The following GSDME variants were observed in gnomAD, a reference collection of about 807,000 sequenced individuals.
The protein encoded by GSDME is gasdermin-E.
In GSDME, 44 loss-of-function variants were observed where a neutral mutation model predicts 47.5. That is an observed-to-expected ratio of 0.93 (90% CI 0.73 to 1.19). The LOEUF (loss-of-function observed/expected upper bound fraction) is 1.19, where lower values mean the gene tolerates loss of function less well. Ranked by LOEUF, GSDME falls within the 50% of genes most tolerant of loss-of-function variation. The pLI is 0.00. For missense variants in GSDME, 663 were observed against 604.2 expected (o/e 1.10, Z -1.02); for synonymous variants, 258 against 252.8 (o/e 1.02, Z -0.20).
In GSDME at chr7:24,716,116, G is replaced by A. The variant is rs146148348; in HGVS notation, c.697+1138C>T. Among the ~76,000 whole-genome samples, 104 of 152,338 alleles carry A rather than the reference G, an allele frequency of 6.8e-4. No individual in the cohort carries two copies. The highest frequency in any genetic ancestry group is 8.4e-4 in the Non-Finnish European group (57 of 68,034). On this transcript the variant is annotated intron_variant, in intron 5 of 9. Coordinates refer to ENST00000645220, the MANE Select transcript of GSDME (RefSeq NM_001127453.2). This position sits in a 1 kb window ranked among gnomAD's most constrained non-coding sequence, Gnocchi z 4.5. Reference sequence around the variant, plus strand: ...TGCCCCCCACCCGCCTTCCACAAATGGGGGAGAAGCAGGAGGCAGCAGCAG... The same window carrying A: ...TGCCCCCCACCCGCCTTCCACAAATAGGGGAGAAGCAGGAGGCAGCAGCAG...
At chr7:24,737,005 A>C (rs1790327517) in intron 3 of GSDME, among the ~76,000 whole-genome samples, 1 of 152,170 alleles carries the variant, frequency 6.6e-6, no homozygotes, top group South Asian at 2.1e-4. Flanking sequence ...GGGGTACATC[A>C]AAAGCAGTAC....
rs781204290 is a variant in GSDME at position 24,749,767 on chromosome 7, G to A, written c.8C>T (p.Ala3Val). 9.9e-6 allele frequency: 16 copies of A among 1,613,286 alleles called. No homozygotes were observed. Among genetic ancestry groups the A allele is most frequent in the Non-Finnish European group, 1.4e-5 (16 of 1,179,490 alleles). Residue 3 changes from alanine to valine, a missense_variant, in exon 2 of 10, where the codon GCC becomes GTC. Transcript: ENST00000645220. The stretch of plus-strand genomic sequence containing the variant: ...TCTAAGAAAATTCCTGGTTGCTTTG[G>A]CAAACATTTTGAAAGCTCCAGATTA... Reference protein sequence around the residue: MFAKATRNFLREV... With the variant: MFVKATRNFLREV...
chr7:24,758,607 G>T (rs1279049815), upstream of GSDME, among the ~76,000 whole-genome samples: 2 of 152,206 alleles, frequency 1.3e-5, no homozygotes, highest in African/African-American at 2.4e-5. This position sits in a 1 kb window ranked among gnomAD's most constrained non-coding sequence, Gnocchi z 4.6. Context: ...GCTGTTCGGG[G>T]AGGGCAGGTA....
intron 1 of GSDME, among the ~76,000 whole-genome samples, chr7:24,751,858 C>T (rs773382111): frequency 6.6e-6 from 1 of 152,198 alleles, no homozygotes; most frequent in Non-Finnish European, 1.5e-5. Flanking sequence ...AATTTCTCTC[C>T]TCAATGAGCT....
the GSDME span, among the ~76,000 whole-genome samples, chr7:24,763,916 T>C: frequency 6.6e-6 from 1 of 152,240 alleles, no homozygotes; most frequent in Non-Finnish European, 1.5e-5. This position sits in a 1 kb window ranked among gnomAD's most constrained non-coding sequence, Gnocchi z 4.3. Flanking sequence ...ACCAGACAGC[T>C]GAACTGATTT....
chr7:24,704,757 G>A (rs530789503), intron 8 of GSDME: 22 of 151,682 alleles, frequency 1.5e-4, no homozygotes, highest in East Asian at 3.9e-4. Flanking sequence ...CTGCAATGGC[G>A]TCCATAGTTC....
chr7:24,744,449 A>C lies in GSDME; in HGVS notation c.404+113T>G. 2 of 1,161,540 alleles carry C rather than the reference A, an allele frequency of 1.7e-6. No individual in the cohort carries two copies. Among genetic ancestry groups the C allele is most frequent in the South Asian group, 2.5e-5 (2 of 81,260 alleles). The allele number at this position is 1,161,540 out of a possible 1,614,324, so 72.0% of individuals were successfully genotyped here. On this transcript the variant is annotated intron_variant, in intron 3 of 9. Transcript: ENST00000645220. The surrounding 1 kb of genome is among the most constrained non-coding windows in gnomAD (Gnocchi z 4.5). Reference sequence around the variant, plus strand: ...ATTTCAACACAAGCGCATTCAATACATGTTTATTGATCGGCAGAGATCAAA... The same window carrying C: ...ATTTCAACACAAGCGCATTCAATACCTGTTTATTGATCGGCAGAGATCAAA...
intron 5 of GSDME, among the ~76,000 whole-genome samples, chr7:24,713,445 T>C (rs1352764227): frequency 1.3e-5 from 2 of 152,198 alleles, no homozygotes; most frequent in Admixed American, 6.5e-5. Context: ...TAAAATATCT[T>C]AGGACTGCAT....
rs1562701523 is a variant in GSDME, at chr7:24,724,913, TAA to T, written c.405-5697_405-5696del. The T allele has an allele frequency of 6.6e-6, 1 of 152,234 alleles. No individual in the cohort carries two copies. The highest frequency in any genetic ancestry group is 2.4e-5 in the African/African-American group (1 of 41,458). 9.4% of individuals were successfully genotyped at this position (152,234 alleles called of 1,614,324 possible). On this transcript the variant is annotated intron_variant, in intron 3 of 9. Transcript: ENST00000645220. This position sits in a 1 kb window ranked among gnomAD's most constrained non-coding sequence, Gnocchi z 4.8. Reference sequence around the variant, plus strand: ...GTTTACACTCTGAGTTCACACTGGTTAAGAGTGTGGTACCTTCCCCCTCACTC... The same window carrying T: ...GTTTACACTCTGAGTTCACACTGGTTGAGTGTGGTACCTTCCCCCTCACTC...
chr7:24,755,274 C>T (rs754618521), intron 1 of GSDME, among the ~76,000 whole-genome samples: 12 of 152,184 alleles, frequency 7.9e-5, no homozygotes, highest in Non-Finnish European at 1.5e-4. Context: ...AACATGAACA[C>T]GTTCAAAGCA....
In GSDME at chr7:24,745,265, A is replaced by C. The variant is rs1222317986; in HGVS notation, c.212-511T>G. ...AAGAAGACAACTAAACAGAGAGAGA[A>C]CAGCAGCCCCTATTCTGGATGCACC... On this transcript the variant is annotated intron_variant, in intron 2 of 9. Coordinates refer to ENST00000645220, the MANE Select transcript of GSDME (RefSeq NM_001127453.2). The surrounding 1 kb of genome is among the most constrained non-coding windows in gnomAD (Gnocchi z 4.4). Among the ~76,000 whole-genome samples, 1 of 152,158 alleles carries C rather than the reference A, an allele frequency of 6.6e-6. No individual in the cohort carries two copies. Among genetic ancestry groups the C allele is most frequent in the East Asian group, 1.9e-4 (1 of 5,194 alleles).
the GSDME span, among the ~76,000 whole-genome samples, chr7:24,791,392 C>T: frequency 1.3e-5 from 2 of 152,184 alleles, no homozygotes; most frequent in African/African-American, 4.8e-5. The surrounding 1 kb of genome is among the most constrained non-coding windows in gnomAD (Gnocchi z 4.8). Context: ...GGGGGCTGCT[C>T]CATAAGCCTG....
chr7:24,701,011 C>A (rs1788842886), intron 9 of GSDME, among the ~76,000 whole-genome samples: 1 of 152,220 alleles, frequency 6.6e-6, no homozygotes, highest in Non-Finnish European at 1.5e-5. Context: ...TTCTAACTCA[C>A]CCTTTCACCA....
Position 24,739,822 on chromosome 7 carries a change from C to A in GSDME, c.404+4740G>T, listed in dbSNP as rs151261224. Among the ~76,000 whole-genome samples, 12 of 152,250 alleles carry A rather than the reference C, an allele frequency of 7.9e-5. No individual in the cohort carries two copies. Among genetic ancestry groups the A allele is most frequent in the African/African-American group, 2.9e-4 (12 of 41,546 alleles). On this transcript the variant is annotated intron_variant, in intron 3 of 9. Coordinates refer to ENST00000645220, the MANE Select transcript of GSDME (RefSeq NM_001127453.2). The surrounding 1 kb of genome is among the most constrained non-coding windows in gnomAD (Gnocchi z 5.1). ...AAAGAGTAAGATCCTGGGCTGGGCG[C>A]AGTGGCTCACGCCCATAATCCTAGC...
At chr7:24,794,546 T>C in the GSDME span, among the ~76,000 whole-genome samples, 1 of 152,176 alleles carries the variant, frequency 6.6e-6, no homozygotes, top group Non-Finnish European at 1.5e-5. Flanking sequence ...CTGGGTGTCC[T>C]GATTTACCAG....
chr7:24,792,804 T>G, the GSDME span, among the ~76,000 whole-genome samples: 5 of 152,268 alleles, frequency 3.3e-5, no homozygotes, highest in South Asian at 1.0e-3. Flanking sequence ...CTCAAGTTTT[T>G]CTTTTTTCCA....
Position 24,708,224 on chromosome 7 carries a change from G to T in GSDME, c.893C>A (p.Pro298Gln). 6.2e-7 allele frequency: 1 copy of T among 1,614,140 alleles called. No homozygotes were observed. Among genetic ancestry groups the T allele is most frequent in the Non-Finnish European group, 8.5e-7 (1 of 1,180,024 alleles). The part of the protein sequence containing the change: ...ATLLLERNFH[P>Q]FAELPEPQQT... ...TTGTGGCTCAGGCAGCTCCGCAAAT[G>T]GATGGAAATTCCTCTCCAGGAGCAG... The change falls in exon 7 of 10, where the codon CCA becomes CAA. Residue 298 changes from proline (P) to glutamine (Q), a missense_variant. Physicochemically the swap from Pro to Gln is moderately conservative, Grantham distance 76. Coordinates refer to ENST00000645220, the MANE Select transcript of GSDME (RefSeq NM_001127453.2).
At chr7:24,718,567 G>C (rs1308137377) in intron 4 of GSDME, among the ~76,000 whole-genome samples, 1 of 152,262 alleles carries the variant, frequency 6.6e-6, no homozygotes, top group East Asian at 1.9e-4. Flanking sequence ...ATCAGTGCCT[G>C]TGTGTTCATT....
the GSDME span, among the ~76,000 whole-genome samples, chr7:24,791,322 C>G: frequency 2.4e-4 from 37 of 152,336 alleles, no homozygotes; most frequent in African/African-American, 8.9e-4. This position sits in a 1 kb window ranked among gnomAD's most constrained non-coding sequence, Gnocchi z 4.8. Flanking sequence ...GCAGTCCAAA[C>G]CTAGGGATGA....
Sources: allele counts gnomAD v4.1 joint callset (sites outside exome capture counted in the v4.1 genomes callset), GRCh38; gene constraint gnomAD v4.1.1; non-coding constraint Gnocchi (gnomAD v3.1); transcripts MANE v1.5; gene names NCBI Gene and HGNC (gene_info 2026-07-23, HGNC 2026-07-21).